The following MTAP variants were observed in gnomAD, a reference collection of about 807,000 sequenced individuals.
The protein encoded by MTAP is S-methyl-5'-thioadenosine phosphorylase.
Under a neutral mutation model 33.6 loss-of-function variants are expected in MTAP, and 33 were observed. The observed-to-expected ratio is 0.98, with a 90% CI of 0.74 to 1.31. The LOEUF (loss-of-function observed/expected upper bound fraction) is 1.31, where lower values mean the gene tolerates loss of function less well. Ranked by LOEUF, MTAP falls within the 40% of genes most tolerant of loss-of-function variation. The pLI is 0.00. For synonymous variants in MTAP, 148 were observed against 125.7 expected (o/e 1.18, Z -1.19); for missense variants, 367 against 360.0 (o/e 1.02, Z -0.16).
At chr9:21,815,372 A>T in intron 1 of MTAP, 61 bp from the exon 2 acceptor site, 1 of 1,187,148 alleles carries the variant, frequency 8.4e-7, no homozygotes, top group Non-Finnish European at 1.2e-6. Context: ...ATTTGCTTAG[A>T]ATCTTATTTC....
intron 1 of MTAP, among the ~76,000 whole-genome samples, chr9:21,915,031 CCTTCCTTCCTTCCTTCCTTCCTTCCTTT>C (rs1475815078): frequency 1.0e-5 from 1 of 100,248 alleles, no homozygotes; most frequent in Non-Finnish European, 1.8e-5. Flanking sequence ...TTCCTTCCTT[CCTTCCTTCCTTCCTTCCTTCCTTCCTTT>C]CTTTCTTTCT....
At chr9:21,914,939 C>T (rs1345220885) in intron 1 of MTAP, among the ~76,000 whole-genome samples, 1 of 151,392 alleles carries the variant, frequency 6.6e-6, no homozygotes, top group Non-Finnish European at 1.5e-5. Context: ...TGGCTTCTTC[C>T]ATCTGACATA....
At position 21,848,653 on chromosome 9, in the gene MTAP, C is replaced by G. The variant is rs1415599352; in HGVS notation, c.451-5978C>G. ...GATTAGTCACTTTAGACCTATTTAT[C>G]CCTGCTGGTCCAGAAAATATGCCCT... is the stretch of plus-strand genomic sequence containing the variant. On this transcript the variant is annotated intron_variant, in intron 5 of 7. Transcript: ENST00000644715. Among the ~76,000 whole-genome samples the G allele has an allele frequency of 3.3e-5, 5 of 152,112 alleles. No homozygotes were observed. The East Asian group carries it at 9.6e-4, about 29-fold the overall frequency.
chr9:21,922,201 C>T lies in MTAP; in HGVS notation c.148-8807C>T, dbSNP rs748206686. The stretch of plus-strand genomic sequence containing the variant: ...GAACACTTGACTGGCAAGGGAAAAA[C>T]GCCTCAAGTGAGCATGCACACAACT... On this transcript the variant is annotated intron_variant, in intron 1 of 1. Transcript: ENST00000577563. The surrounding 1 kb of genome is among the most constrained non-coding windows in gnomAD (Gnocchi z 4.8). Among the ~76,000 whole-genome samples the T allele has an allele frequency of 5.9e-5, 9 of 151,844 alleles. No individual in the cohort carries two copies. The highest frequency in any genetic ancestry group is 1.2e-4 in the Non-Finnish European group (8 of 67,986).
intron 5 of MTAP, 90 bp downstream of exon 5, chr9:21,838,100 C>T (rs1335800105): frequency 4.1e-6 from 4 of 970,640 alleles, no homozygotes; most frequent in Non-Finnish European, 4.8e-6. Context: ...AGCGAGTGGC[C>T]CCATACCCTC....
chr9:21,817,699 G>A (rs1462013065), intron 3 of MTAP, among the ~76,000 whole-genome samples: 2 of 151,986 alleles, frequency 1.3e-5, no homozygotes, highest in African/African-American at 4.8e-5. Context: ...TGCTTGCAAG[G>A]TAGAGCCTAA....
chr9:21,887,879 G>A (rs1405915557), intron 1 of MTAP, among the ~76,000 whole-genome samples: 1 of 152,078 alleles, frequency 6.6e-6, no homozygotes, highest in Non-Finnish European at 1.5e-5. Flanking sequence ...TTTGTGTGGG[G>A]GGGTTGCAGC....
rs112679725 is a variant in MTAP at position 21,872,891 on chromosome 9, G to C, written c.147+18021G>C. Among the ~76,000 whole-genome samples the C allele has an allele frequency of 1.5e-4, 23 of 152,282 alleles. 1 individual carries two copies. Among genetic ancestry groups the C allele is most frequent in the African/African-American group, 5.3e-4 (22 of 41,574 alleles). On this transcript the variant is annotated intron_variant, in intron 1 of 1. Coordinates refer to the MTAP transcript ENST00000577563. ...TGAGCACTCCCTCGGGAGGGAATGT[G>C]AGTCTGGTATCTGGTCCTCTCTAAC...
chr9:21,892,064 A>G (rs1818209897), intron 1 of MTAP: 1 of 152,212 alleles, frequency 6.6e-6, no homozygotes, highest in Non-Finnish European at 1.5e-5. Context: ...TTTTTCAGAA[A>G]AGCAAATGCT....
At chr9:21,882,107 C>CG (rs1818022045) in intron 1 of MTAP, among the ~76,000 whole-genome samples, 1 of 151,798 alleles carries the variant, frequency 6.6e-6, no homozygotes, top group Admixed American at 6.6e-5. Flanking sequence ...ATAAAATATT[C>CG]AACCTTAAAA....
chr9:21,847,443 A>T (rs1417643215), intron 5 of MTAP, among the ~76,000 whole-genome samples: 1 of 151,994 alleles, frequency 6.6e-6, no homozygotes, highest in Non-Finnish European at 1.5e-5. Flanking sequence ...GATGCTAAGG[A>T]CTCTACTTCT....
At chr9:21,813,168 G>A (rs1422002806) in intron 1 of MTAP, among the ~76,000 whole-genome samples, 2 of 152,220 alleles carry the variant, frequency 1.3e-5, no homozygotes, top group African/African-American at 4.8e-5. Context: ...CCAGCAGGTG[G>A]CGACATTGGC....
intron 5 of MTAP, among the ~76,000 whole-genome samples, chr9:21,848,134 GTGA>G (rs1161442793): frequency 6.6e-6 from 1 of 152,170 alleles, no homozygotes; most frequent in Non-Finnish European, 1.5e-5. Context: ...TGAGGCAACA[GTGA>G]TGGCCTCCCC....
At chr9:21,927,143 G>A (rs533343504) in intron 1 of MTAP, among the ~76,000 whole-genome samples, 2 of 152,230 alleles carry the variant, frequency 1.3e-5, no homozygotes, top group South Asian at 2.1e-4. Flanking sequence ...TAACCAAACC[G>A]TTTCAGCTTT....
chr9:21,915,006 TCC>T (rs1482900918), intron 1 of MTAP, among the ~76,000 whole-genome samples: 1,118 of 26,084 alleles, frequency 0.043, 82 homozygotes, highest in African/African-American at 0.17. Context: ...TTTCTTTCCT[TCC>T]TTCCTTCCTT....
intron 1 of MTAP, 58 bp from the exon 2 acceptor site, chr9:21,815,375 C>T (rs1824448885): frequency 8.3e-7 from 1 of 1,208,240 alleles, no homozygotes; most frequent in East Asian, 2.5e-5. Context: ...TGCTTAGAAT[C>T]TTATTTCTAA....
chr9:21,858,567 G>A (rs1304651701), intron 6 of MTAP, among the ~76,000 whole-genome samples: 1 of 152,132 alleles, frequency 6.6e-6, no homozygotes, highest in South Asian at 2.1e-4. Context: ...TAAACAATCA[G>A]ATCTCACAAG....
At chr9:21,924,898 T>C (rs866344892) in intron 1 of MTAP, among the ~76,000 whole-genome samples, 10 of 152,300 alleles carry the variant, frequency 6.6e-5, no homozygotes, top group African/African-American at 2.2e-4. Flanking sequence ...CATCAAAGGG[T>C]TCCATAAACT....
At chr9:21,819,196 T>C (rs1824565926) in intron 4 of MTAP, among the ~76,000 whole-genome samples, 1 of 151,750 alleles carries the variant, frequency 6.6e-6, no homozygotes, top group South Asian at 2.1e-4. Flanking sequence ...AACGTGCAGG[T>C]TTGTTACATA....
Sources: allele counts gnomAD v4.1 joint callset (sites outside exome capture counted in the v4.1 genomes callset), GRCh38; gene constraint gnomAD v4.1.1; non-coding constraint Gnocchi (gnomAD v3.1); transcripts MANE v1.5; gene names NCBI Gene and HGNC (gene_info 2026-07-23, HGNC 2026-07-21).